RABGAP1L: variants seen among roughly 807,000 people sequenced by gnomAD.
RABGAP1L encodes rab GTPase-activating protein 1-like.
Under a neutral mutation model 137.7 loss-of-function variants are expected in RABGAP1L, and 63 were observed. The ratio of observed to expected loss-of-function variants is 0.46; its 90% CI spans 0.37 to 0.56. RABGAP1L has a LOEUF of 0.56. Among genes scored for constraint, RABGAP1L ranks in the 20% least tolerant of loss-of-function variants. The probability of loss-of-function intolerance (pLI) is 0.00; values close to 1 mark genes in which losing one functional copy is unlikely to be tolerated. For synonymous variants in RABGAP1L, 431 were observed against 433.7 expected, an observed-to-expected ratio of 0.99 and a Z score of 0.08; for missense variants, 1,095 against 1,244.0, an observed-to-expected ratio of 0.88 and a Z score of 1.80.
At chr1:174,488,381 C>T (rs1344643522) in intron 13 of RABGAP1L, among the ~76,000 whole-genome samples, 2 of 151,956 alleles carry the variant, frequency 1.3e-5, no homozygotes, top group African/African-American at 2.4e-5. Flanking sequence ...ATAAGGTTTC[C>T]ACTTAGCTTA....
chr1:174,521,505 G>T (rs1298471741), intron 13 of RABGAP1L, among the ~76,000 whole-genome samples: 1 of 152,100 alleles, frequency 6.6e-6, no homozygotes, highest in African/African-American at 2.4e-5. Flanking sequence ...AAGGACTTCT[G>T]GTTAGATACA....
At chr1:174,214,988 G>A (rs185720453) in intron 1 of RABGAP1L, among the ~76,000 whole-genome samples, 2 of 152,044 alleles carry the variant, frequency 1.3e-5, no homozygotes, top group East Asian at 1.9e-4. Flanking sequence ...TGGACAAATG[G>A]TATCACATCA....
intron 10 of RABGAP1L, among the ~76,000 whole-genome samples, chr1:174,282,217 GT>G (rs1205612884): frequency 2.6e-5 from 4 of 152,168 alleles, no homozygotes; most frequent in Non-Finnish European, 5.9e-5. Flanking sequence ...CTGCCAAACT[GT>G]TTTCTACAGT....
At chr1:174,930,266 C>T (rs920333733) in intron 19 of RABGAP1L, among the ~76,000 whole-genome samples, 8 of 151,954 alleles carry the variant, frequency 5.3e-5, no homozygotes, top group Non-Finnish European at 1.0e-4. Flanking sequence ...AGCAATCCTC[C>T]TGCCTCAGCC....
chr1:174,250,421 T>G, intron 5 of RABGAP1L, 54 bp from the exon 6 acceptor site: 1 of 1,404,248 alleles, frequency 7.1e-7, no homozygotes, highest in East Asian at 2.3e-5. Flanking sequence ...GAGAAGGATA[T>G]CAGAATGCAA....
At chr1:174,610,066 TTATTA>T (rs995321049) in intron 13 of RABGAP1L, among the ~76,000 whole-genome samples, 5 of 150,980 alleles carry the variant, frequency 3.3e-5, no homozygotes, top group Admixed American at 6.6e-5. Context: ...TATTTTATTA[TTATTA>T]TATTTTAAGT....
chr1:174,546,978 A>G (rs990808178), intron 13 of RABGAP1L, among the ~76,000 whole-genome samples: 1 of 138,596 alleles, frequency 7.2e-6, no homozygotes, highest in Non-Finnish European at 1.5e-5. Flanking sequence ...TGCAGTGAGC[A>G]GAGATCGCGC....
chr1:174,975,769 T>C (rs1670589613), intron 21 of RABGAP1L, among the ~76,000 whole-genome samples: 1 of 152,210 alleles, frequency 6.6e-6, no homozygotes, highest in Non-Finnish European at 1.5e-5. Context: ...GTTATTCAAA[T>C]CTGAATTCAG....
At chr1:174,446,129 G>T (rs1654736596) in intron 13 of RABGAP1L, among the ~76,000 whole-genome samples, 1 of 152,184 alleles carries the variant, frequency 6.6e-6, no homozygotes, top group African/African-American at 2.4e-5. Context: ...TGGAGTCATT[G>T]ATGCTGAGAG....
At position 174,795,511 on chromosome 1, in the gene RABGAP1L, A is replaced by G. The variant is rs189433539; in HGVS notation, c.2212-16321A>G. ...GCTCAAAGTCCTTTTCCTTTGTTTT[A>G]TCACTTCTCTACAGAAGTATTGTTC... On this transcript the variant is annotated intron_variant, in intron 18 of 25. Transcript: ENST00000681986. 5.0e-3 allele frequency among the ~76,000 whole-genome samples: 763 copies of G among 152,248 alleles called. 5 individuals are homozygous for G. Among genetic ancestry groups the G allele is most frequent in the Non-Finnish European group, 7.4e-3 (501 of 68,016 alleles).
At chr1:174,723,351 A>G (rs142276356) in intron 17 of RABGAP1L, among the ~76,000 whole-genome samples, 2,903 of 152,318 alleles carry the variant, frequency 0.019, 81 homozygotes, top group African/African-American at 0.066. Flanking sequence ...CTGGGATTAC[A>G]GGCATGAGCC....
chr1:174,597,445 G>A (rs140407799), intron 13 of RABGAP1L, among the ~76,000 whole-genome samples: 1 of 152,046 alleles, frequency 6.6e-6, no homozygotes, highest in Non-Finnish European at 1.5e-5. Flanking sequence ...ATCTTGGTAG[G>A]TTATATGTGT....
At chr1:174,741,855 CAAAAAAAA>C (rs775821774) in intron 17 of RABGAP1L, among the ~76,000 whole-genome samples, 1 of 41,896 alleles carries the variant, frequency 2.4e-5, no homozygotes, top group Admixed American at 3.8e-4. Flanking sequence ...CCTATTTCTA[CAAAAAAAA>C]AAAAAAAAAA....
chr1:174,939,416 G>C (rs1020521999), intron 19 of RABGAP1L, among the ~76,000 whole-genome samples: 7 of 151,952 alleles, frequency 4.6e-5, no homozygotes, highest in Non-Finnish European at 1.0e-4. Context: ...AAATTAGCTG[G>C]GTGTGGTGGT....
At chr1:174,166,710 C>T (rs1439191297) in intron 1 of RABGAP1L, among the ~76,000 whole-genome samples, 2 of 152,244 alleles carry the variant, frequency 1.3e-5, no homozygotes, top group East Asian at 3.8e-4. Flanking sequence ...TTCACACTTA[C>T]TGCTTCTAAT....
At chr1:174,897,591 C>T (rs981606408) in intron 19 of RABGAP1L, 3 of 152,174 alleles carry the variant, frequency 2.0e-5, no homozygotes, top group Non-Finnish European at 4.4e-5. Context: ...GTAAGTGTCT[C>T]CATGGCACAT....
At chr1:174,653,068 C>G (rs796235585) in intron 14 of RABGAP1L, among the ~76,000 whole-genome samples, 2 of 152,108 alleles carry the variant, frequency 1.3e-5, no homozygotes, top group East Asian at 1.9e-4. Flanking sequence ...CTGCCCAGTT[C>G]GAACTTCCCA....
intron 13 of RABGAP1L, among the ~76,000 whole-genome samples, chr1:174,546,261 C>T (rs1666000894): frequency 6.6e-6 from 1 of 152,002 alleles, no homozygotes; most frequent in African/African-American, 2.4e-5. Context: ...TATACTATAA[C>T]CAAGTGGGTG....
intron 13 of RABGAP1L, among the ~76,000 whole-genome samples, chr1:174,469,569 T>C (rs1657674723): frequency 6.6e-6 from 1 of 152,194 alleles, no homozygotes; most frequent in Non-Finnish European, 1.5e-5. Flanking sequence ...TTGAGAATCA[T>C]AGTATGAAAC....
Sources: gnomAD v4.1 joint callset for allele counts (sites outside exome capture counted in the v4.1 genomes callset) on GRCh38, gnomAD v4.1.1 for gene constraint, MANE v1.5 for transcripts, NCBI Gene and HGNC (gene_info 2026-07-23, HGNC 2026-07-21) for gene names.